The following OSCP1 variants were observed in gnomAD, a reference collection of about 807,000 sequenced individuals.
OSCP1 encodes the protein protein OSCP1.
OSCP1 carries 35 observed loss-of-function variants against 45.1 expected under a neutral mutation model. That is an observed-to-expected ratio of 0.78 (90% CI 0.59 to 1.03). OSCP1 has a LOEUF of 1.03. Among genes scored for constraint, OSCP1 ranks in the 50% least tolerant of loss-of-function variants. The probability of loss-of-function intolerance (pLI) is 0.00; values close to 1 mark genes in which losing one functional copy is unlikely to be tolerated. For missense variants in OSCP1, 400 were observed against 470.7 expected (o/e 0.85, Z 1.39); for synonymous variants, 179 against 180.1 (o/e 0.99, Z 0.05).
At chr1:36,423,019 G>T in intron 5 of OSCP1, 123 bp from the exon 6 acceptor site, 1 of 599,776 alleles carries the variant, frequency 1.7e-6, no homozygotes, top group South Asian at 4.5e-5. Context: ...TAAAGGTGCT[G>T]GTTGTAATAA....
At chr1:36,428,507 AC>A (rs1326348296) in intron 4 of OSCP1, 3 of 1,572,524 alleles carry the variant, frequency 1.9e-6, no homozygotes, top group Non-Finnish European at 1.7e-6. Flanking sequence ...CATATATGTT[AC>A]ATATGCTGTT....
chr1:36,442,883 T>C (rs1403876988), intron 1 of OSCP1, among the ~76,000 whole-genome samples: 1 of 152,188 alleles, frequency 6.6e-6, no homozygotes, highest in African/African-American at 2.4e-5. Flanking sequence ...GAGTTTAAAG[T>C]CCAAGGTCAC....
chr1:36,438,398 G>T (rs1648899450), intron 2 of OSCP1, among the ~76,000 whole-genome samples: 1 of 151,850 alleles, frequency 6.6e-6, no homozygotes, highest in Admixed American at 6.6e-5. Context: ...TCTGAGGCAG[G>T]AGAATTGCTC....
intron 6 of OSCP1, 116 bp from the exon 7 acceptor site, chr1:36,422,335 G>C (rs1647691807): frequency 2.1e-6 from 2 of 951,894 alleles, no homozygotes; most frequent in Non-Finnish European, 3.3e-6. Flanking sequence ...ATCCAGAAAG[G>C]TGCTGTGGGT....
At chr1:36,444,039 T>G in intron 1 of OSCP1, 1 of 1,613,118 alleles carries the variant, frequency 6.2e-7, no homozygotes, top group Non-Finnish European at 8.5e-7. Flanking sequence ...TTCATCTACA[T>G]GAAGCATACA....
intron 1 of OSCP1, among the ~76,000 whole-genome samples, chr1:36,442,699 G>C (rs970498798): frequency 6.6e-6 from 1 of 152,138 alleles, no homozygotes; most frequent in Non-Finnish European, 1.5e-5. Context: ...CTCCTGAATA[G>C]TTACCATGTT....
At chr1:36,424,668 G>A (rs1647857516) in intron 4 of OSCP1, among the ~76,000 whole-genome samples, 1 of 152,154 alleles carries the variant, frequency 6.6e-6, no homozygotes, top group Non-Finnish European at 1.5e-5. Flanking sequence ...GATCTTTTAG[G>A]TGACTGAAAA....
At chr1:36,437,911 A>T (rs551874517) in intron 2 of OSCP1, among the ~76,000 whole-genome samples, 1 of 152,290 alleles carries the variant, frequency 6.6e-6, no homozygotes, top group East Asian at 1.9e-4. Context: ...GCAGTGGCCC[A>T]CACCTGTAAT....
intron 2 of OSCP1, among the ~76,000 whole-genome samples, chr1:36,432,803 A>G (rs1227995472): frequency 1.3e-5 from 2 of 152,210 alleles, no homozygotes; most frequent in African/African-American, 4.8e-5. Context: ...GGAGTAAGCC[A>G]GCACATTCCT....
intron 1 of OSCP1, among the ~76,000 whole-genome samples, chr1:36,449,332 A>G (rs992938280): frequency 1.8e-4 from 28 of 152,320 alleles, no homozygotes; most frequent in Admixed American, 5.9e-4. Context: ...TGTGGTGTCC[A>G]TGGGAGGCAG....
chr1:36,425,272 G>C (rs1647896281), intron 4 of OSCP1, among the ~76,000 whole-genome samples: 1 of 152,126 alleles, frequency 6.6e-6, no homozygotes, highest in Admixed American at 6.5e-5. Flanking sequence ...TTGGCATACT[G>C]ATGTTAGACT....
rs140172778 is a variant in OSCP1 at position 36,443,673 on chromosome 1, A to T, written c.113-4763T>A. Among the ~76,000 whole-genome samples, 21 of 152,300 alleles carry T rather than the reference A, an allele frequency of 1.4e-4. No homozygotes were observed. In the East Asian group the frequency reaches 3.5e-3, roughly 25 times the overall value. On this transcript the variant is annotated intron_variant, in intron 1 of 9. Transcript: ENST00000235532. ...ATGACAAAACAAAGTTGTTTTAAGG[A>T]CTACCAAATAGGATGACATACCCCA...
At chr1:36,435,526 C>T (rs936242615) in intron 2 of OSCP1, among the ~76,000 whole-genome samples, 3 of 152,008 alleles carry the variant, frequency 2.0e-5, no homozygotes, top group African/African-American at 7.3e-5. Context: ...AGCTATATGC[C>T]AGGCCTAGGT....
At chr1:36,444,600 G>T (rs990433895) in intron 1 of OSCP1, among the ~76,000 whole-genome samples, 16 of 152,040 alleles carry the variant, frequency 1.1e-4, no homozygotes, top group African/African-American at 3.9e-4. Context: ...TATATATATA[G>T]ATGCATGATT....
chr1:36,439,535 C>T (rs2124804516), intron 1 of OSCP1, among the ~76,000 whole-genome samples: 1 of 152,110 alleles, frequency 6.6e-6, no homozygotes, highest in South Asian at 2.1e-4. Context: ...ATAAAAATTC[C>T]TATAATTTTT....
At chr1:36,436,547 A>C (rs1175611018) in intron 2 of OSCP1, among the ~76,000 whole-genome samples, 1 of 151,916 alleles carries the variant, frequency 6.6e-6, no homozygotes, top group Non-Finnish European at 1.5e-5. Context: ...GGTCTTTTAA[A>C]ATTTTTTTGT....
intron 1 of OSCP1, among the ~76,000 whole-genome samples, chr1:36,442,607 A>G (rs538698017): frequency 6.6e-6 from 1 of 152,302 alleles, no homozygotes; most frequent in South Asian, 2.1e-4. Flanking sequence ...TCAAGTTTTT[A>G]CCAATTACCT....
At chr1:36,420,400 T>C in intron 8 of OSCP1, 76 bp downstream of exon 8, 1 of 1,504,858 alleles carries the variant, frequency 6.6e-7, no homozygotes, top group Non-Finnish European at 9.0e-7. Flanking sequence ...GTGCCACTGG[T>C]TTGTAATAGT....
At chr1:36,431,694 C>T in intron 4 of OSCP1, 108 bp downstream of exon 4, 2 of 960,880 alleles carry the variant, frequency 2.1e-6, no homozygotes, top group South Asian at 1.6e-5. Flanking sequence ...ACCCTGAGGA[C>T]ATCACTAACT....
Sources: allele counts gnomAD v4.1 joint callset (sites outside exome capture counted in the v4.1 genomes callset), GRCh38; gene constraint gnomAD v4.1.1; transcripts MANE v1.5; gene names NCBI Gene and HGNC (gene_info 2026-07-23, HGNC 2026-07-21).